Variants in PEX7 observed in about 807,000 individuals in gnomAD.
PEX7 encodes the protein peroxisomal biogenesis factor 7.
Under a neutral mutation model 47.5 loss-of-function variants are expected in PEX7, and 34 were observed. The observed-to-expected ratio is 0.72, with a 90% CI of 0.54 to 0.95. The LOEUF (loss-of-function observed/expected upper bound fraction) is 0.95, where lower values mean the gene tolerates loss of function less well. PEX7 is among the 40% of genes least tolerant of loss of function. The pLI is 0.00. For missense variants in PEX7, 394 were observed against 400.3 expected (o/e 0.98, Z 0.13); for synonymous variants, 141 against 148.8 (o/e 0.95, Z 0.38).
chr6:136,913,508 TCTTA>T lies in PEX7; in HGVS notation c.957_960del (p.Thr320PhefsTer24). 1 of 1,611,616 alleles carries T rather than the reference TCTTA, an allele frequency of 6.2e-7. No individual in the cohort carries two copies. The highest frequency in any genetic ancestry group is 8.5e-7 in the Non-Finnish European group (1 of 1,178,016). On this transcript the variant is annotated frameshift_variant, in exon 10 of 10. Transcript: ENST00000318471. LOFTEE classifies it high-confidence loss of function. ...CAATAAAGATCTATGACCCTGCTTG[TCTTA>T]CTATTCCTGCTTGAGATACACTACT...
intron 8 of PEX7, among the ~76,000 whole-genome samples, chr6:136,873,927 T>C (rs556252106): frequency 6.6e-6 from 1 of 152,210 alleles, no homozygotes; most frequent in Non-Finnish European, 1.5e-5. Context: ...TGATGTATTA[T>C]ATTAATGGAT....
intron 8 of PEX7, among the ~76,000 whole-genome samples, chr6:136,893,256 A>C (rs1775588262): frequency 2.0e-5 from 3 of 151,752 alleles, no homozygotes; most frequent in Admixed American, 2.0e-4. Flanking sequence ...GACCTGTTTG[A>C]CCTGGCCCTG....
chr6:136,823,010 G>GC, intron 1 of PEX7: 1 of 985,470 alleles, frequency 1.0e-6, no homozygotes, highest in Non-Finnish European at 1.2e-6. Flanking sequence ...CCAGTTGTGT[G>GC]CAAGTGCATA....
At chr6:136,823,836 G>C (rs1562724788) in intron 1 of PEX7, among the ~76,000 whole-genome samples, 1 of 152,196 alleles carries the variant, frequency 6.6e-6, no homozygotes, top group East Asian at 1.9e-4. Flanking sequence ...GTTGCGGTGA[G>C]CCGAGATCGT....
At chr6:136,885,212 A>G (rs1025759510) in intron 8 of PEX7, among the ~76,000 whole-genome samples, 7 of 152,204 alleles carry the variant, frequency 4.6e-5, no homozygotes, top group African/African-American at 7.2e-5. Context: ...CATTGTAGCA[A>G]ATTCTCAGAT....
chr6:136,908,518 T>TC (rs1474053114), intron 9 of PEX7, among the ~76,000 whole-genome samples: 1 of 152,156 alleles, frequency 6.6e-6, no homozygotes, highest in Admixed American at 6.5e-5. Context: ...TAAAGGAAAT[T>TC]CAGAAGGGCA....
chr6:136,887,041 T>A (rs1775477846), intron 8 of PEX7, among the ~76,000 whole-genome samples: 1 of 152,052 alleles, frequency 6.6e-6, no homozygotes, highest in African/African-American at 2.4e-5. Flanking sequence ...AGTGAGACCC[T>A]GTCTTGAAAA....
intron 6 of PEX7, among the ~76,000 whole-genome samples, 186 bp from the exon 7 acceptor site, chr6:136,869,704 T>C (rs1582759764): frequency 6.6e-6 from 1 of 152,210 alleles, no homozygotes. Flanking sequence ...TCACAAGTCA[T>C]ATTAGTTTTT....
chr6:136,882,155 C>A (rs1055542068), intron 8 of PEX7, among the ~76,000 whole-genome samples: 7 of 144,848 alleles, frequency 4.8e-5, no homozygotes, highest in African/African-American at 1.8e-4. Flanking sequence ...TTCTTAATTG[C>A]TTTTCCCCCT....
chr6:136,853,846 C>A (rs1184570026), intron 5 of PEX7, among the ~76,000 whole-genome samples: 1 of 152,110 alleles, frequency 6.6e-6, no homozygotes, highest in Non-Finnish European at 1.5e-5. Context: ...AAATTAATAG[C>A]TTTCTTTTCT....
At chr6:136,898,073 A>G (rs1775683107) in intron 8 of PEX7, 69 bp from the exon 9 acceptor site, 5 of 932,316 alleles carry the variant, frequency 5.4e-6, no homozygotes, top group Middle Eastern at 2.1e-4. Context: ...TCAAATATCT[A>G]TTTTTTCTTA....
At chr6:136,910,785 C>T (rs7739268) in intron 9 of PEX7, among the ~76,000 whole-genome samples, 4,109 of 152,226 alleles carry the variant, frequency 0.027, 196 homozygotes, top group African/African-American at 0.093. Flanking sequence ...GTCAAAAGCA[C>T]TCTCTTGCTA....
rs578002919 is a variant in PEX7 at position 136,857,475 on chromosome 6, G to A, written c.527-9152G>A. 5.4e-4 allele frequency among the ~76,000 whole-genome samples: 83 copies of A among 152,308 alleles called. 1 individual carries two copies. Among genetic ancestry groups the A allele is most frequent in the African/African-American group, 1.9e-3 (77 of 41,560 alleles). Reference sequence around the variant, plus strand: ...TTCAGTGAGGAAGACAACAGATGGAGTTCCTGCACTCTTAGAGCATATAGT... The same window carrying A: ...TTCAGTGAGGAAGACAACAGATGGAATTCCTGCACTCTTAGAGCATATAGT... On this transcript the variant is annotated intron_variant, in intron 5 of 9. Transcript: ENST00000318471.
intron 9 of PEX7, among the ~76,000 whole-genome samples, chr6:136,910,799 C>T (rs777985096): frequency 1.3e-5 from 2 of 152,192 alleles, no homozygotes; most frequent in Non-Finnish European, 2.9e-5. Flanking sequence ...CTTGCTACTT[C>T]ATCTTTCATT....
intron 6 of PEX7, among the ~76,000 whole-genome samples, chr6:136,866,999 A>G (rs1775083968): frequency 6.6e-6 from 1 of 152,144 alleles, no homozygotes; most frequent in Non-Finnish European, 1.5e-5. Flanking sequence ...AAGCTGCCTT[A>G]TGTAATTTTT....
chr6:136,833,785 A>G (rs540627374), intron 3 of PEX7, among the ~76,000 whole-genome samples: 32 of 152,336 alleles, frequency 2.1e-4, no homozygotes, highest in African/African-American at 6.3e-4. Context: ...TCACTTTTCA[A>G]TTCTCATGTT....
intron 5 of PEX7, among the ~76,000 whole-genome samples, chr6:136,858,669 A>C (rs1774905334): frequency 6.6e-6 from 1 of 152,354 alleles, no homozygotes. Flanking sequence ...TTGAGATGCC[A>C]AATTGACAGC....
At chr6:136,847,969 A>G (rs1456873035) in intron 5 of PEX7, among the ~76,000 whole-genome samples, 2 of 152,166 alleles carry the variant, frequency 1.3e-5, no homozygotes, top group African/African-American at 2.4e-5. Flanking sequence ...GATTCTTCCT[A>G]TCAATAAGCA....
At chr6:136,866,586 A>G (rs575221843) in intron 5 of PEX7, 41 bp from the exon 6 acceptor site, 2 of 1,496,294 alleles carry the variant, frequency 1.3e-6, no homozygotes, top group South Asian at 2.3e-5. Context: ...TGCACATTCA[A>G]GTGGTGTGAT....
Sources: gnomAD v4.1 joint callset for allele counts (sites outside exome capture counted in the v4.1 genomes callset) on GRCh38, gnomAD v4.1.1 for gene constraint, MANE v1.5 for transcripts, NCBI Gene and HGNC (gene_info 2026-07-23, HGNC 2026-07-21) for gene names.